The following ZNF670 variants were observed in gnomAD, a reference collection of about 807,000 sequenced individuals.
ZNF670 encodes zinc finger protein 670.
Under a neutral mutation model 10.9 loss-of-function variants are expected in ZNF670, and 7 were observed. The observed-to-expected ratio is 0.64, with a 90% CI of 0.36 to 1.20. The LOEUF is 1.20. ZNF670 is among the 50% of genes most tolerant of loss of function. ZNF670 has a pLI of 0.02. For synonymous variants in ZNF670, 136 were observed against 152.7 expected, an observed-to-expected ratio of 0.89 and a Z score of 0.81; for missense variants, 446 against 458.6, an observed-to-expected ratio of 0.97 and a Z score of 0.25.
chr1:247,060,468 A>G (rs1670832726), intron 1 of ZNF670, among the ~76,000 whole-genome samples: 1 of 152,250 alleles, frequency 6.6e-6, no homozygotes, highest in Admixed American at 6.5e-5. Context: ...CTCAACATAG[A>G]TTATAAACTG....
chr1:247,078,779 G>A lies in ZNF670; in HGVS notation c.-183C>T. Reference sequence around the variant, plus strand: ...ACAAAAGCCGCGCCAGGTCCCGGAAGCTGCTCCCTCCTTTCGCGGCGCGCT... The same window carrying A: ...ACAAAAGCCGCGCCAGGTCCCGGAAACTGCTCCCTCCTTTCGCGGCGCGCT... On this transcript the variant is annotated 5_prime_UTR_variant, in exon 1 of 4. Transcript: ENST00000366503. 1.6e-6 allele frequency: 1 copy of A among 638,350 alleles called. No homozygotes were observed. Among genetic ancestry groups the A allele is most frequent in the Non-Finnish European group, 2.7e-6 (1 of 370,698 alleles). 39.5% of individuals were successfully genotyped at this position (638,350 alleles called of 1,614,324 possible). A position where few individuals can be genotyped will look rare whatever the true frequency, so the allele number is the denominator to read the frequency against.
At chr1:247,043,026 T>C (rs1447148005) in intron 1 of ZNF670, 4 of 851,422 alleles carry the variant, frequency 4.7e-6, no homozygotes, top group African/African-American at 1.6e-5. Flanking sequence ...ACAAGATTGA[T>C]ATAGGTGCAG....
intron 2 of ZNF670, among the ~76,000 whole-genome samples, chr1:247,039,116 T>G (rs1670244217): frequency 6.7e-6 from 1 of 148,412 alleles, no homozygotes; most frequent in Non-Finnish European, 1.5e-5. Context: ...TGGAGTGCAG[T>G]GGCTCAATCT....
intron 1 of ZNF670, among the ~76,000 whole-genome samples, chr1:247,046,824 A>T (rs1391289465): frequency 2.6e-5 from 4 of 152,216 alleles, no homozygotes; most frequent in African/African-American, 9.6e-5. Context: ...GTATGTCAGA[A>T]GTCACATGGG....
chr1:247,043,915 A>G (rs752061970), intron 1 of ZNF670: 12 of 300,200 alleles, frequency 4.0e-5, no homozygotes, highest in Non-Finnish European at 7.7e-5. Flanking sequence ...AGAACCAGAG[A>G]TATAAGACCA....
intron 1 of ZNF670, among the ~76,000 whole-genome samples, chr1:247,041,370 G>A (rs557052042): frequency 4.8e-4 from 73 of 152,158 alleles, no homozygotes; most frequent in Non-Finnish European, 9.1e-4. Flanking sequence ...AAATGAACAC[G>A]ATTTAAAAGT....
chr1:247,036,000 T>C lies in ZNF670; in HGVS notation c.*1449A>G, dbSNP rs577562864. 5.3e-5 allele frequency among the ~76,000 whole-genome samples: 8 copies of C among 152,342 alleles called. No homozygotes were observed. The South Asian group carries it at 1.4e-3, about 28-fold the overall frequency. On this transcript the variant is annotated 3_prime_UTR_variant, in exon 4 of 4. Coordinates refer to ENST00000366503, the MANE Select transcript of ZNF670 (RefSeq NM_033213.5). Reference sequence around the variant, plus strand: ...ACTTCGGAGCATTTCAGATTTGGTATTGGAATCTGGGGTTTACAGATGTTC... The same window carrying C: ...ACTTCGGAGCATTTCAGATTTGGTACTGGAATCTGGGGTTTACAGATGTTC...
At chr1:247,065,633 A>G (rs532843901) in intron 1 of ZNF670, among the ~76,000 whole-genome samples, 86 of 152,332 alleles carry the variant, frequency 5.6e-4, no homozygotes, top group Admixed American at 3.1e-3. Context: ...TAAAAGCAAT[A>G]AACAAACAAA....
chr1:247,057,598 G>A (rs1308616954), intron 1 of ZNF670, among the ~76,000 whole-genome samples: 2 of 152,130 alleles, frequency 1.3e-5, no homozygotes. Context: ...TCCATCAACA[G>A]AAGAATGGAT....
In ZNF670 at chr1:247,037,798, G is replaced by A. The variant is rs547402830; in HGVS notation, c.821C>T (p.Thr274Met). 4.6e-5 allele frequency: 75 copies of A among 1,613,358 alleles called. No homozygotes were observed. The Middle Eastern group carries it at 5.0e-4, about 11-fold the overall frequency. ...RSTYLGIHER[T>M]HTGEKPYECI... is the part of the protein sequence containing the mutation. Reference sequence around the variant, plus strand: ...TTCATAGGGTTTTTCTCCAGTATGCGTTCTTTCATGTATTCCCAAGTAAGT... The same window carrying A: ...TTCATAGGGTTTTTCTCCAGTATGCATTCTTTCATGTATTCCCAAGTAAGT... The change falls in exon 4 of 4, where the codon ACG becomes ATG. Residue 274 changes from threonine (T) to methionine (M), a missense_variant. By Grantham distance (81) the Thr-to-Met change is moderately conservative. Coordinates refer to ENST00000366503, the MANE Select transcript of ZNF670 (RefSeq NM_033213.5).
Position 247,037,620 on chromosome 1 carries a change from T to C in ZNF670, c.999A>G (p.Gly333=). 6.2e-7 allele frequency: 1 copy of C among 1,614,130 alleles called. No individual in the cohort carries two copies. Residue 333 remains glycine (G), a synonymous_variant, in exon 4 of 4, where the codon GGA becomes GGG. Coordinates refer to ENST00000366503, the MANE Select transcript of ZNF670 (RefSeq NM_033213.5). ...NLCEHERTHT[G]VKPYGCKECG... ...ATTCCTTACATCCATAAGGTTTCAC[T>C]CCAGTGTGAGTTCTTTCATGCTCAC...
chr1:247,043,644 G>A (rs1392966380), intron 1 of ZNF670: 8 of 535,366 alleles, frequency 1.5e-5, no homozygotes, highest in Non-Finnish European at 2.9e-5. Context: ...TGTGGATCCT[G>A]GCTGCAGTGG....
intron 1 of ZNF670, among the ~76,000 whole-genome samples, chr1:247,048,691 G>GT (rs1670516592): frequency 6.6e-6 from 1 of 152,172 alleles, no homozygotes; most frequent in Admixed American, 6.5e-5. Flanking sequence ...AGTTCCACAT[G>GT]GCTGGGGAGG....
rs1407335002 is a variant in ZNF670 at position 247,034,695 on chromosome 1, G to A, written c.*2754C>T. ...GACATGCTTAATTCTCCCCAGCATG[G>A]GGACATTCTTCCTTTCTGCAACTTC... On this transcript the variant is annotated 3_prime_UTR_variant, in exon 4 of 4. Transcript: ENST00000366503. 6.6e-6 allele frequency among the ~76,000 whole-genome samples: 1 copy of A among 152,156 alleles called. No homozygotes were observed. Among genetic ancestry groups the A allele is most frequent in the East Asian group, 1.9e-4 (1 of 5,196 alleles).
At chr1:247,048,145 C>G (rs1178389777) in intron 1 of ZNF670, among the ~76,000 whole-genome samples, 1 of 152,052 alleles carries the variant, frequency 6.6e-6, no homozygotes, top group Admixed American at 6.5e-5. Flanking sequence ...GTTTCAATTA[C>G]AGACCACCTT....
In ZNF670 at chr1:247,042,284, G is replaced by C. The variant is rs138654522; in HGVS notation, c.4-2747C>G. ...CTAAAGTACACACCAGATACCAGGC[G>C]GCAGAACCGATTAGCAAGTCATTGC... On this transcript the variant is annotated intron_variant, in intron 1 of 3. Coordinates refer to ENST00000366503, the MANE Select transcript of ZNF670 (RefSeq NM_033213.5). Among the ~76,000 whole-genome samples, 823 of 152,294 alleles carry C rather than the reference G, an allele frequency of 5.4e-3. 7 individuals carry two copies. The highest frequency in any genetic ancestry group is 0.018 in the African/African-American group (766 of 41,568).
At chr1:247,043,676 T>G in intron 1 of ZNF670, 1 of 502,800 alleles carries the variant, frequency 2.0e-6, no homozygotes, top group Non-Finnish European at 3.9e-6. Flanking sequence ...CCAGGACTGT[T>G]TCCACGATGG....
intron 1 of ZNF670, among the ~76,000 whole-genome samples, chr1:247,056,330 C>T (rs921782553): frequency 6.6e-6 from 1 of 152,170 alleles, no homozygotes; most frequent in African/African-American, 2.4e-5. Flanking sequence ...TAGTATCAAG[C>T]ATCTTCCCTG....
intron 1 of ZNF670, among the ~76,000 whole-genome samples, chr1:247,054,016 G>T (rs1038644693): frequency 6.6e-6 from 1 of 152,236 alleles, no homozygotes; most frequent in Non-Finnish European, 1.5e-5. Context: ...TAGAGAATCT[G>T]TGTGACTGGG....
Sources: allele counts gnomAD v4.1 joint callset (sites outside exome capture counted in the v4.1 genomes callset), GRCh38; gene constraint gnomAD v4.1.1; transcripts MANE v1.5; gene names NCBI Gene and HGNC (gene_info 2026-07-23, HGNC 2026-07-21).